MARK1: variants seen among roughly 807,000 people sequenced by gnomAD.
The protein encoded by MARK1 is microtubule affinity regulating kinase 1.
MARK1 carries 40 observed loss-of-function variants against 96.3 expected under a neutral mutation model. The observed-to-expected ratio is 0.42, with a 90% CI of 0.32 to 0.54. The LOEUF is 0.54. MARK1 is among the 20% of genes least tolerant of loss of function. MARK1 has a pLI of 0.16. For missense variants in MARK1, 719 were observed against 984.6 expected (o/e 0.73, Z 3.61); for synonymous variants, 317 against 341.2 (o/e 0.93, Z 0.78).
chr1:220,546,485 A>G (rs1464816117), intron 1 of MARK1, among the ~76,000 whole-genome samples: 1 of 152,202 alleles, frequency 6.6e-6, no homozygotes, highest in Non-Finnish European at 1.5e-5. Flanking sequence ...GGATTGGTAT[A>G]TCGTTGTCCT....
At chr1:220,615,822 A>G (rs1474621923) in intron 6 of MARK1, 117 bp from the exon 7 acceptor site, 1 of 600,428 alleles carries the variant, frequency 1.7e-6, no homozygotes, top group Admixed American at 3.0e-5. Context: ...AGCATTGCAT[A>G]TTTATTAAAT....
At chr1:220,569,286 T>C (rs1420729620) in intron 1 of MARK1, among the ~76,000 whole-genome samples, 1 of 152,188 alleles carries the variant, frequency 6.6e-6, no homozygotes, top group African/African-American at 2.4e-5. Flanking sequence ...TCCTGCCATA[T>C]GTTACAAATA....
intron 9 of MARK1, among the ~76,000 whole-genome samples, chr1:220,628,691 C>T (rs1366005886): frequency 6.6e-6 from 1 of 152,092 alleles, no homozygotes; most frequent in African/African-American, 2.4e-5. Context: ...ATCGCACCCA[C>T]CCCACAACTT....
intron 16 of MARK1, among the ~76,000 whole-genome samples, chr1:220,656,875 A>C (rs2103068229): frequency 6.6e-6 from 1 of 152,272 alleles, no homozygotes; most frequent in Admixed American, 6.5e-5. Context: ...TCTTAAGAAC[A>C]ATTTAAAATT....
intron 7 of MARK1, among the ~76,000 whole-genome samples, chr1:220,616,382 G>A (rs2102964264): frequency 6.6e-6 from 1 of 152,248 alleles, no homozygotes; most frequent in East Asian, 1.9e-4. Flanking sequence ...AAGAACTAAG[G>A]AAAGTTGTAA....
chr1:220,653,438 T>A, intron 16 of MARK1, 86 bp downstream of exon 16: 4 of 1,384,860 alleles, frequency 2.9e-6, no homozygotes, highest in African/African-American at 1.5e-5. Context: ...TATAATAATT[T>A]TCTAAAATGG....
intron 1 of MARK1, among the ~76,000 whole-genome samples, chr1:220,566,022 T>G (rs1663029118): frequency 6.6e-6 from 1 of 152,214 alleles, no homozygotes. Flanking sequence ...GGAACTGACA[T>G]TTACTAGCTG....
At chr1:220,546,254 G>GA (rs1160963839) in intron 1 of MARK1, among the ~76,000 whole-genome samples, 1 of 152,032 alleles carries the variant, frequency 6.6e-6, no homozygotes, top group East Asian at 1.9e-4. Context: ...ACAAACATCA[G>GA]AATAATTTTT....
intron 3 of MARK1, among the ~76,000 whole-genome samples, chr1:220,588,255 G>C (rs1379866155): frequency 6.6e-6 from 1 of 152,130 alleles, no homozygotes; most frequent in Non-Finnish European, 1.5e-5. Flanking sequence ...ACCCAAAGCT[G>C]TGCAGGATCT....
At chr1:220,560,202 C>A (rs1263983143) in intron 1 of MARK1, among the ~76,000 whole-genome samples, 1 of 152,128 alleles carries the variant, frequency 6.6e-6, no homozygotes, top group South Asian at 2.1e-4. Context: ...TATCTCCCAC[C>A]AGGTCCTTCC....
At chr1:220,596,072 G>T (rs1430885758) in intron 3 of MARK1, among the ~76,000 whole-genome samples, 6 of 152,176 alleles carry the variant, frequency 3.9e-5, no homozygotes, top group Non-Finnish European at 8.8e-5. Context: ...GGTATATATG[G>T]ATTGGATATA....
At position 220,635,521 on chromosome 1, in the gene MARK1, G is replaced by A. The variant is rs1558313564; in HGVS notation, c.1268G>A (p.Ser423Asn). 1 of 1,605,142 alleles carries A rather than the reference G, an allele frequency of 6.2e-7. No individual in the cohort carries two copies. The highest frequency in any genetic ancestry group is 1.8e-5 in the Admixed American group (1 of 57,028). The change falls in exon 12 of 18, where the codon AGT becomes AAT. Residue 423 changes from serine to asparagine, a missense_variant. Physicochemically the swap from Ser to Asn is conservative, Grantham distance 46. This residue lies in a region of MARK1 where 501 missense variants were observed against 588.3 expected (regional missense o/e 0.85). Coordinates refer to ENST00000366917, the MANE Select transcript of MARK1 (RefSeq NM_018650.5). ...GCAAATCAGAAGCAGCGGCGTTTCA[G>A]TGATCATGGTAGGGGAAAAAGTCAC... ...ISANQKQRRF[S>N]DHAGPSIPPA...
At chr1:220,657,689 A>G (rs1364952337) in intron 16 of MARK1, 101 bp from the exon 17 acceptor site, 4 of 762,520 alleles carry the variant, frequency 5.2e-6, no homozygotes, top group Non-Finnish European at 8.2e-6. Flanking sequence ...TCATGGTAGA[A>G]GTTTGCTCAA....
chr1:220,540,948 G>A (rs79661426), intron 1 of MARK1, among the ~76,000 whole-genome samples: 1 of 142,128 alleles, frequency 7.0e-6, no homozygotes, highest in Non-Finnish European at 1.5e-5. Context: ...TTTTTTTTTT[G>A]TTTGAGATAG....
intron 13 of MARK1, among the ~76,000 whole-genome samples, chr1:220,647,044 A>G (rs1668616585): frequency 6.6e-6 from 1 of 152,234 alleles, no homozygotes. Flanking sequence ...AAAAGCAAAA[A>G]TTGACAAATG....
intron 13 of MARK1, among the ~76,000 whole-genome samples, chr1:220,644,460 C>CG (rs1491322354): frequency 1.3e-5 from 1 of 78,392 alleles, no homozygotes; most frequent in Non-Finnish European, 2.7e-5. Context: ...CCCCCCCCCC[C>CG]CCACACACAC....
At chr1:220,566,876 A>G (rs962352717) in intron 1 of MARK1, among the ~76,000 whole-genome samples, 1 of 152,148 alleles carries the variant, frequency 6.6e-6, no homozygotes, top group African/African-American at 2.4e-5. Flanking sequence ...TGTAAGCTTG[A>G]GAAACTGGTA....
rs947188868 is a variant in MARK1 at position 220,618,844 on chromosome 1, G to A, written c.909+89G>A. ...GCATTTTTCTCCTATGTTTTCTTAG[G>A]AAAATTGCCAAATTATCTAATCTGC... On this transcript the variant is annotated intron_variant, in intron 9 of 17. Coordinates refer to ENST00000366917, the MANE Select transcript of MARK1 (RefSeq NM_018650.5). The surrounding 1 kb of genome is among the most constrained non-coding windows in gnomAD (Gnocchi z 4.6). 2.0e-5 allele frequency: 23 copies of A among 1,163,010 alleles called. No individual in the cohort carries two copies. Among genetic ancestry groups the A allele is most frequent in the Non-Finnish European group, 2.5e-5 (21 of 849,452 alleles). 72.0% of individuals were successfully genotyped at this position (1,163,010 alleles called of 1,614,324 possible). A position where few individuals can be genotyped will look rare whatever the true frequency, so the allele number is the denominator to read the frequency against.
rs1168658742 is a variant in MARK1, at chr1:220,653,162, G to A, written c.1798G>A (p.Asp600Asn). The A allele has an allele frequency of 3.1e-6, 5 of 1,614,092 alleles. No homozygotes were observed. In the African/African-American group the frequency reaches 6.7e-5, roughly 22 times the overall value. Reference sequence around the variant, plus strand: ...TCACAGTATTAGTACTGCGACTCCAGACCGGACCCGTTTTCCCCGAGGGAG... The same window carrying A: ...TCACAGTATTAGTACTGCGACTCCAAACCGGACCCGTTTTCCCCGAGGGAG... ...SAHSISTATP[D>N]RTRFPRGSSS... Residue 600 changes from aspartate to asparagine, a missense_variant, in exon 16 of 18, where the codon GAC becomes AAC. Transcript: ENST00000366917.
Sources: allele counts gnomAD v4.1 joint callset (sites outside exome capture counted in the v4.1 genomes callset), GRCh38; gene constraint gnomAD v4.1.1; regional missense constraint gnomAD v4.1.1; non-coding constraint Gnocchi (gnomAD v3.1); transcripts MANE v1.5; gene names NCBI Gene and HGNC (gene_info 2026-07-23, HGNC 2026-07-21).